Variants in DAB1 observed in about 807,000 individuals in gnomAD.
The protein encoded by DAB1 is DAB adaptor protein 1.
Under a neutral mutation model 64.6 loss-of-function variants are expected in DAB1, and 15 were observed. The observed-to-expected ratio is 0.23, with a 90% CI of 0.16 to 0.36. DAB1 has a LOEUF of 0.36. DAB1 is among the 10% of genes least tolerant of loss of function. The probability of loss-of-function intolerance (pLI) is 1.00; values close to 1 mark genes in which losing one functional copy is unlikely to be tolerated. For missense variants in DAB1, 596 were observed against 706.7 expected (o/e 0.84, Z 1.78); for synonymous variants, 235 against 251.9 (o/e 0.93, Z 0.64).
At chr1:57,759,441 G>T (rs1033663611) in intron 6 of DAB1, among the ~76,000 whole-genome samples, 2 of 152,060 alleles carry the variant, frequency 1.3e-5, no homozygotes, top group African/African-American at 4.8e-5. Context: ...GTCAATAAAT[G>T]GTAACTATGA....
At chr1:57,573,726 G>A (rs571610997) in intron 7 of DAB1, among the ~76,000 whole-genome samples, 29 of 152,294 alleles carry the variant, frequency 1.9e-4, no homozygotes, top group Admixed American at 5.9e-4. Flanking sequence ...CAGGAAGCTG[G>A]AGAAGTTGCT....
chr1:58,125,834 T>A (rs998065363), intron 5 of DAB1, among the ~76,000 whole-genome samples: 1 of 152,110 alleles, frequency 6.6e-6, no homozygotes, highest in African/African-American at 2.4e-5. Flanking sequence ...TGGATAGGAA[T>A]ACCAGAAAGG....
chr1:58,419,242 T>C (rs562585129), intron 3 of DAB1, among the ~76,000 whole-genome samples: 1 of 152,336 alleles, frequency 6.6e-6, no homozygotes, highest in African/African-American at 2.4e-5. Flanking sequence ...GGTCAAATCC[T>C]AGTTCTGCAA....
chr1:58,053,092 A>G (rs897362806), intron 5 of DAB1, among the ~76,000 whole-genome samples: 23 of 152,302 alleles, frequency 1.5e-4, no homozygotes, highest in African/African-American at 4.8e-4. Context: ...CTTCCAAAAA[A>G]TGGCTTAATC....
At chr1:58,486,079 G>A (rs1463114909) in intron 3 of DAB1, among the ~76,000 whole-genome samples, 1 of 152,202 alleles carries the variant, frequency 6.6e-6, no homozygotes, top group Non-Finnish European at 1.5e-5. Flanking sequence ...TTCACTGCGT[G>A]AGGTATTTTA....
chr1:57,362,918 T>C (rs1054289603), intron 1 of DAB1, among the ~76,000 whole-genome samples: 2 of 152,210 alleles, frequency 1.3e-5, no homozygotes, highest in Non-Finnish European at 1.5e-5. Flanking sequence ...TAAGCAGAGT[T>C]GTTTTCAATT....
chr1:57,167,380 T>C (rs1661299126), intron 2 of DAB1, among the ~76,000 whole-genome samples: 2 of 152,146 alleles, frequency 1.3e-5, no homozygotes, highest in Admixed American at 1.3e-4. Flanking sequence ...GCCCCCTCCT[T>C]CTTAGAAGAG....
intron 4 of DAB1, among the ~76,000 whole-genome samples, chr1:57,128,078 T>A (rs1657302577): frequency 1.3e-5 from 2 of 151,352 alleles, no homozygotes; most frequent in African/African-American, 4.9e-5. Flanking sequence ...ACCCAGAAGG[T>A]GGAGGTTGCA....
chr1:58,402,867 CA>C (rs1268902383), intron 3 of DAB1, among the ~76,000 whole-genome samples: 1 of 152,202 alleles, frequency 6.6e-6, no homozygotes, highest in Non-Finnish European at 1.5e-5. Flanking sequence ...CAAATACCCC[CA>C]TGAGGAATGC....
chr1:58,415,970 T>C (rs990333760), intron 3 of DAB1, among the ~76,000 whole-genome samples: 5 of 152,230 alleles, frequency 3.3e-5, no homozygotes, highest in African/African-American at 4.8e-5. Flanking sequence ...ACACGAGTGA[T>C]GTGCTTAGAA....
At chr1:57,247,516 A>G (rs1210472689) in intron 2 of DAB1, among the ~76,000 whole-genome samples, 1 of 152,164 alleles carries the variant, frequency 6.6e-6, no homozygotes, top group East Asian at 1.9e-4. Flanking sequence ...AGTTCTTTAT[A>G]GCAGCGTGAG....
At chr1:58,198,070 A>G (rs1017309458) in intron 4 of DAB1, among the ~76,000 whole-genome samples, 3 of 152,210 alleles carry the variant, frequency 2.0e-5, no homozygotes, top group African/African-American at 7.2e-5. Context: ...ACTAAGCAGA[A>G]ATGCCACCAT....
At chr1:57,534,746 C>CA (rs1171868162) in intron 7 of DAB1, among the ~76,000 whole-genome samples, 2 of 152,130 alleles carry the variant, frequency 1.3e-5, no homozygotes, top group Non-Finnish European at 2.9e-5. Flanking sequence ...CTACTAGTGC[C>CA]ATGTGCTGGT....
At chr1:57,827,371 G>A (rs1264749212) in intron 1 of DAB1, among the ~76,000 whole-genome samples, 2 of 152,130 alleles carry the variant, frequency 1.3e-5, no homozygotes, top group African/African-American at 4.8e-5. Flanking sequence ...CTCAAAATGT[G>A]GCTCAATTCT....
At chr1:57,769,183 T>C (rs1482029862) in intron 6 of DAB1, among the ~76,000 whole-genome samples, 1 of 152,186 alleles carries the variant, frequency 6.6e-6, no homozygotes, top group Non-Finnish European at 1.5e-5. Context: ...CTTATGTATG[T>C]GTGCCGTATC....
intron 9 of DAB1, among the ~76,000 whole-genome samples, chr1:57,042,149 G>A (rs1004334443): frequency 6.6e-6 from 1 of 152,140 alleles, no homozygotes; most frequent in Non-Finnish European, 1.5e-5. Flanking sequence ...CTACTTCCTA[G>A]AGCTCTGAGG....
At chr1:58,219,021 CTCTCTGTG>C (rs764856108) in intron 4 of DAB1, among the ~76,000 whole-genome samples, 127 of 125,680 alleles carry the variant, frequency 1.0e-3, no homozygotes, top group Middle Eastern at 4.2e-3. Context: ...CTCTCTCTCT[CTCTCTGTG>C]TGTGTGTGTG....
At chr1:57,082,003 AG>A (rs1652597724) in intron 4 of DAB1, among the ~76,000 whole-genome samples, 1 of 152,224 alleles carries the variant, frequency 6.6e-6, no homozygotes, top group Admixed American at 6.5e-5. Context: ...ACATACTCCT[AG>A]CACTGTTCAC....
chr1:57,574,532 G>A (rs545189072), intron 7 of DAB1, among the ~76,000 whole-genome samples: 37 of 152,292 alleles, frequency 2.4e-4, no homozygotes, highest in African/African-American at 8.7e-4. Context: ...AGATCACACA[G>A]GTTCAAACTG....
Sources: allele counts gnomAD v4.1 joint callset (sites outside exome capture counted in the v4.1 genomes callset), GRCh38; gene constraint gnomAD v4.1.1; transcripts MANE v1.5; gene names NCBI Gene and HGNC (gene_info 2026-07-23, HGNC 2026-07-21).